Variants in KPNA7 observed in about 807,000 individuals in gnomAD.
The protein encoded by KPNA7 is importin subunit alpha-8.
Under a neutral mutation model 53.7 loss-of-function variants are expected in KPNA7, and 54 were observed. The ratio of observed to expected loss-of-function variants is 1.01; its 90% CI spans 0.81 to 1.26. The LOEUF is 1.26. Among genes scored for constraint, KPNA7 ranks in the 50% most tolerant of loss-of-function variants. The probability of loss-of-function intolerance (pLI) is 0.00; values close to 1 mark genes in which losing one functional copy is unlikely to be tolerated. For missense variants in KPNA7, 640 were observed against 644.5 expected (o/e 0.99, Z 0.07); for synonymous variants, 276 against 259.3 (o/e 1.06, Z -0.62).
chr7:99,170,383 G>A (rs1371254917), downstream of KPNA7, among the ~76,000 whole-genome samples: 1 of 151,954 alleles, frequency 6.6e-6, no homozygotes, highest in Non-Finnish European at 1.5e-5. Flanking sequence ...CCTGGAAGAA[G>A]AGATAAAGTA....
rs1798817496 is a variant in KPNA7, at chr7:99,173,888, C to T, written c.1465-94G>A. ...GATGCACCTTGTAACAAAATTGACC[C>T]TCTTAACCATGTTTAAGCAGGTAGC... On this transcript the variant is annotated intron_variant, in intron 10 of 10. Transcript: ENST00000327442. 2.0e-5 allele frequency: 15 copies of T among 732,766 alleles called. No individual in the cohort carries two copies. The South Asian group carries it at 2.6e-4, about 13-fold the overall frequency. 45.4% of individuals were successfully genotyped at this position (732,766 alleles called of 1,614,324 possible). A position where few individuals can be genotyped will look rare whatever the true frequency, so the allele number is the denominator to read the frequency against.
the KPNA7 span, among the ~76,000 whole-genome samples, chr7:99,146,746 A>C: frequency 9.1e-5 from 11 of 120,952 alleles, no homozygotes; most frequent in South Asian, 2.7e-4. Context: ...AAAAAAAAAA[A>C]AACAACGGAA....
At chr7:99,192,928 G>C (rs1790029003) in intron 6 of KPNA7, 91 bp downstream of exon 6, 1 of 895,742 alleles carries the variant, frequency 1.1e-6, no homozygotes, top group Non-Finnish European at 1.6e-6. Context: ...TTCAAGACCA[G>C]CCTGGGCAGA....
chr7:99,201,402 G>A (rs554703520), intron 3 of KPNA7, among the ~76,000 whole-genome samples: 1 of 152,184 alleles, frequency 6.6e-6, no homozygotes, highest in South Asian at 2.1e-4. Flanking sequence ...AGTGGCTCAT[G>A]CCTGTAAACC....
chr7:99,216,888 G>A (rs1045549999), intron 1 of KPNA7, among the ~76,000 whole-genome samples: 5 of 152,174 alleles, frequency 3.3e-5, no homozygotes, highest in Admixed American at 3.3e-4. Context: ...ATCCTTCTGA[G>A]TAAGGGACCA....
chr7:99,207,227 G>A (rs796203230), intron 2 of KPNA7, among the ~76,000 whole-genome samples, 174 bp downstream of exon 2: 24 of 152,188 alleles, frequency 1.6e-4, no homozygotes, highest in African/African-American at 5.8e-4. Context: ...TAGAGACGGG[G>A]TTACACCATG....
upstream of KPNA7, among the ~76,000 whole-genome samples, chr7:99,209,998 C>T (rs1187294854): frequency 3.9e-5 from 6 of 152,028 alleles, no homozygotes; most frequent in African/African-American, 1.4e-4. Flanking sequence ...AGAGCCAGAC[C>T]CTGTCTCCAA....
Position 99,187,799 on chromosome 7 carries a change from TAAAA to T in KPNA7, c.900+497_900+500del, listed in dbSNP as rs55867906. On this transcript the variant is annotated intron_variant, in intron 7 of 10. Transcript: ENST00000327442. ...AGCCACCGTGCCCGGCCTTTTTTTT[TAAAA>T]AAAAAAAAAAAAAAAAAAAAAAAAA... 3.1e-3 allele frequency among the ~76,000 whole-genome samples: 204 copies of T among 64,988 alleles called. 8 individuals are homozygous for T. The highest frequency in any genetic ancestry group is 0.016 in the African/African-American group (191 of 12,224). 42.6% of individuals were successfully genotyped at this position (64,988 alleles called of 152,430 possible).
intron 2 of KPNA7, among the ~76,000 whole-genome samples, chr7:99,205,652 C>G (rs1437805098): frequency 6.6e-6 from 1 of 152,136 alleles, no homozygotes; most frequent in Non-Finnish European, 1.5e-5. Context: ...GAGTTTGAGA[C>G]CAGCCTGGCC....
intron 6 of KPNA7, among the ~76,000 whole-genome samples, chr7:99,189,616 G>A (rs527605381): frequency 6.6e-6 from 1 of 151,990 alleles, no homozygotes; most frequent in Non-Finnish European, 1.5e-5. Flanking sequence ...ATTCCCAATT[G>A]TTGGGGTTTT....
chr7:99,176,144 A>G (rs1224104303), intron 10 of KPNA7, among the ~76,000 whole-genome samples: 1 of 151,806 alleles, frequency 6.6e-6, no homozygotes, highest in African/African-American at 2.4e-5. Context: ...TAAAAGTACA[A>G]AAAATTAGCC....
At chr7:99,218,278 T>C (rs1215911941) in intron 1 of KPNA7, among the ~76,000 whole-genome samples, 1 of 152,186 alleles carries the variant, frequency 6.6e-6, no homozygotes, top group East Asian at 1.9e-4. Flanking sequence ...CACACTGCCA[T>C]ACCTGGCTGA....
At chr7:99,161,608 C>T in the KPNA7 span, among the ~76,000 whole-genome samples, 12 of 152,132 alleles carry the variant, frequency 7.9e-5, no homozygotes, top group Non-Finnish European at 1.5e-4. Flanking sequence ...TAGCAAGTAA[C>T]TAATTCATGA....
chr7:99,153,180 A>G, the KPNA7 span, among the ~76,000 whole-genome samples: 1 of 152,198 alleles, frequency 6.6e-6, no homozygotes, highest in Admixed American at 6.5e-5. Flanking sequence ...ATTTTTATGT[A>G]AGTGGGAGGA....
At chr7:99,197,303 G>T (rs1790277461) in intron 3 of KPNA7, among the ~76,000 whole-genome samples, 1 of 152,178 alleles carries the variant, frequency 6.6e-6, no homozygotes, top group Non-Finnish European at 1.5e-5. Flanking sequence ...AAAAAATACA[G>T]ATTTTAGATA....
At chr7:99,178,430 G>A (rs766764189) in intron 9 of KPNA7, among the ~76,000 whole-genome samples, 22 of 151,946 alleles carry the variant, frequency 1.4e-4, no homozygotes, top group African/African-American at 4.8e-4. Context: ...TTAGTTGGGC[G>A]TGGTGGCAGG....
the KPNA7 span, among the ~76,000 whole-genome samples, chr7:99,163,813 G>A: frequency 6.6e-5 from 10 of 151,996 alleles, no homozygotes; most frequent in African/African-American, 1.4e-4. Context: ...ATAATGTCTC[G>A]AGTTACGGTA....
At chr7:99,166,218 T>C in the KPNA7 span, among the ~76,000 whole-genome samples, 3 of 152,162 alleles carry the variant, frequency 2.0e-5, no homozygotes, top group Non-Finnish European at 2.9e-5. Context: ...ACTAATACAC[T>C]GGGATTACAG....
the KPNA7 span, among the ~76,000 whole-genome samples, chr7:99,162,604 A>G: frequency 3.3e-5 from 5 of 152,276 alleles, no homozygotes; most frequent in East Asian, 9.7e-4. Flanking sequence ...TAGGCAAGTC[A>G]GTATTAGTAT....
Sources: allele counts gnomAD v4.1 joint callset (sites outside exome capture counted in the v4.1 genomes callset), GRCh38; gene constraint gnomAD v4.1.1; transcripts MANE v1.5; gene names NCBI Gene and HGNC (gene_info 2026-07-23, HGNC 2026-07-21).